The following ANKAR variants were observed in gnomAD, a reference collection of about 807,000 sequenced individuals.
The protein encoded by ANKAR is ankyrin and armadillo repeat-containing protein.
Under a neutral mutation model 146.2 loss-of-function variants are expected in ANKAR, and 136 were observed. The observed-to-expected ratio is 0.93, with a 90% CI of 0.81 to 1.07. ANKAR has a LOEUF of 1.07. Among genes scored for constraint, ANKAR ranks in the 50% least tolerant of loss-of-function variants. ANKAR has a pLI of 0.00. For missense variants in ANKAR, 1,567 were observed against 1,679.9 expected (o/e 0.93, Z 1.18); for synonymous variants, 500 against 575.8 (o/e 0.87, Z 1.88).
downstream of ANKAR, among the ~76,000 whole-genome samples, chr2:189,748,130 A>G (rs1450027943): frequency 1.1e-4 from 17 of 152,162 alleles, no homozygotes; most frequent in Non-Finnish European, 1.0e-4. Context: ...ATTTTCCCCG[A>G]TATGTACTTA....
intron 16 of ANKAR, 148 bp downstream of exon 16, chr2:189,730,749 A>T (rs1204035811): frequency 2.5e-6 from 1 of 402,082 alleles, no homozygotes; most frequent in Non-Finnish European, 4.2e-6. Context: ...TAAGCCAAAA[A>T]TAAAAATAAA....
In ANKAR at chr2:189,689,531, G is replaced by T; in HGVS notation, c.606G>T (p.Leu202Phe). 6.4e-7 allele frequency: 1 copy of T among 1,564,462 alleles called. No individual in the cohort carries two copies. The highest frequency in any genetic ancestry group is 1.2e-5 in the South Asian group (1 of 82,758). ...TTTTCCTTTTTTATCATGAAGGTTT[G>T]ACTGATATTACAAAGGATCCAGACT... ...DIFSEFSSAG[L>F]TDITKDPDFN... The change falls in exon 3 of 23, where the codon TTG (leucine) becomes TTT (phenylalanine). Residue 202 changes from leucine (L) to phenylalanine (F), a missense_variant. Coordinates refer to ENST00000684021, the MANE Select transcript of ANKAR (RefSeq NM_001378068.1).
intron 18 of ANKAR, among the ~76,000 whole-genome samples, chr2:189,757,632 T>C (rs1396135470): frequency 6.6e-6 from 1 of 152,208 alleles, no homozygotes; most frequent in Middle Eastern, 3.2e-3. Context: ...TAGTAAATGG[T>C]TGAACCAGAA....
chr2:189,757,973 A>G (rs974466224), intron 18 of ANKAR, among the ~76,000 whole-genome samples: 1 of 152,172 alleles, frequency 6.6e-6, no homozygotes, highest in African/African-American at 2.4e-5. Flanking sequence ...CTCATGTAGA[A>G]TGGTAATTCC....
rs61742162 is a variant in ANKAR at position 189,738,618 on chromosome 2, A to T, written c.3636A>T (p.Ala1212=). 4.3e-6 allele frequency: 7 copies of T among 1,612,534 alleles called. No homozygotes were observed. The highest frequency in any genetic ancestry group is 5.9e-6 in the Non-Finnish European group (7 of 1,179,186). The change falls in exon 19 of 23, where the codon GCA becomes GCT. Residue 1212 remains alanine, a synonymous_variant. Transcript: ENST00000684021. ...ATATGGACCATATTACTTTGTCTGC[A>T]AGAGGTGTTACTATTTTAGTTGATA... is the stretch of plus-strand genomic sequence containing the variant. The part of the protein sequence containing the change: ...IRDMDHITLS[A]RGVTILVDSL...
chr2:189,750,681 ATTAT>A (rs765538627), downstream of ANKAR: 3 of 1,538,870 alleles, frequency 1.9e-6, no homozygotes, highest in Admixed American at 2.2e-5. Context: ...GACAAATCGT[ATTAT>A]TTATTTGCTT....
intron 2 of ANKAR, among the ~76,000 whole-genome samples, chr2:189,680,962 G>A (rs781582723): frequency 6.6e-6 from 1 of 152,118 alleles, no homozygotes; most frequent in Non-Finnish European, 1.5e-5. Flanking sequence ...GGAGGTTAAG[G>A]ATCAGCAAGA....
Position 189,742,905 on chromosome 2 carries a change from GACACACACACACACACACACACACACAC to G in ANKAR, c.3811-321_3811-294del, listed in dbSNP as rs397987025. Among the ~76,000 whole-genome samples the G allele has an allele frequency of 6.5e-3, 218 of 33,506 alleles. 3 individuals carry two copies. The highest frequency in any genetic ancestry group is 0.017 in the East Asian group (18 of 1,030). 22.0% of individuals were successfully genotyped at this position (33,506 alleles called of 152,430 possible). A position where few individuals can be genotyped will look rare whatever the true frequency, so the allele number is the denominator to read the frequency against. ...ACACACACACACACTAGAATTACCT[GACACACACACACACACACACACACACAC>G]ACACACACACACACACACACACACA... On this transcript the variant is annotated intron_variant, in intron 20 of 22. Coordinates refer to ENST00000684021, the MANE Select transcript of ANKAR (RefSeq NM_001378068.1).
At chr2:189,746,249 G>A in intron 22 of ANKAR, 131 bp from the exon 23 acceptor site, 2 of 1,115,044 alleles carry the variant, frequency 1.8e-6, no homozygotes, top group Non-Finnish European at 2.5e-6. Flanking sequence ...ACATCTAAAT[G>A]TCTGGAAGTA....
intron 10 of ANKAR, among the ~76,000 whole-genome samples, chr2:189,717,652 G>A (rs1439060598): frequency 6.6e-6 from 1 of 152,132 alleles, no homozygotes; most frequent in East Asian, 1.9e-4. Context: ...GTTTACTGTG[G>A]CACTATTCAC....
chr2:189,676,647 A>G lies in ANKAR; in HGVS notation c.157A>G (p.Ser53Gly). 1 of 1,614,226 alleles carries G rather than the reference A, an allele frequency of 6.2e-7. No individual in the cohort carries two copies. The highest frequency in any genetic ancestry group is 8.5e-7 in the Non-Finnish European group (1 of 1,180,034). ...AGAGTTACTAACTACTGCACTAGTT[A>G]GCTGGTTGTCTGCCAAAGAGGATGT... ...IQELLTTALV[S>G]WLSAKEDVRS... Residue 53 changes from serine (S) to glycine (G), a missense_variant, in exon 2 of 23, where the codon AGC becomes GGC. Physicochemically the swap from Ser to Gly is moderately conservative, Grantham distance 56. Transcript: ENST00000684021.
At position 189,715,259 on chromosome 2, in the gene ANKAR, C is replaced by T. The variant is rs550242632; in HGVS notation, c.2224+4106C>T. On this transcript the variant is annotated intron_variant, in intron 10 of 22. Transcript: ENST00000684021. ...CAAGAAAAAATGATAAAGGGGATAT[C>T]ACTACCAACCCCACAGAAATACATA... 2.0e-4 allele frequency among the ~76,000 whole-genome samples: 30 copies of T among 152,204 alleles called. No homozygotes were observed. In the South Asian group the frequency reaches 6.2e-3, roughly 32 times the overall value.
chr2:189,746,000 AC>A (rs1321855323), intron 22 of ANKAR, among the ~76,000 whole-genome samples: 2 of 152,208 alleles, frequency 1.3e-5, no homozygotes, highest in Non-Finnish European at 2.9e-5. Context: ...TGAAGTTTTC[AC>A]AGGTTTGTAG....
At chr2:189,712,014 A>T (rs1002254013) in intron 10 of ANKAR, among the ~76,000 whole-genome samples, 2 of 152,098 alleles carry the variant, frequency 1.3e-5, no homozygotes, top group Non-Finnish European at 2.9e-5. Context: ...TCTGAGATTG[A>T]CCTGCGAGGC....
At chr2:189,755,700 A>C in intron 18 of ANKAR, 1 of 867,558 alleles carries the variant, frequency 1.2e-6, no homozygotes, top group Non-Finnish European at 1.7e-6. Context: ...GTGCCTTCTA[A>C]CATAGCACAC....
chr2:189,693,595 T>C (rs1241260177), intron 5 of ANKAR, among the ~76,000 whole-genome samples: 1 of 152,284 alleles, frequency 6.6e-6, no homozygotes, highest in East Asian at 1.9e-4. Context: ...GAAGTTTTGC[T>C]TGTTGGTTCG....
chr2:189,686,567 A>T (rs2035626628), intron 2 of ANKAR, among the ~76,000 whole-genome samples: 2 of 152,302 alleles, frequency 1.3e-5, no homozygotes, highest in East Asian at 3.9e-4. Context: ...ATTGGCAAAA[A>T]AAAAGAAATT....
rs2037197225 is a variant in ANKAR, at chr2:189,696,314, A to G, written c.1653A>G (p.Gln551=). Residue 551 remains glutamine (Q), a synonymous_variant, in exon 7 of 23, where the codon CAA becomes CAG. Transcript: ENST00000684021. Reference sequence around the variant, plus strand: ...ACAACAGAGTTTCTATTATATGTCAACTGTGCAATGCTAACTTCAAGGTCA... The same window carrying G: ...ACAACAGAGTTTCTATTATATGTCAGCTGTGCAATGCTAACTTCAAGGTCA... ...ALHNRVSIIC[Q]LCNANFKVNQ... is the part of the protein sequence containing the mutation. 1 of 1,614,038 alleles carries G rather than the reference A, an allele frequency of 6.2e-7. No homozygotes were observed. Among genetic ancestry groups the G allele is most frequent in the Non-Finnish European group, 8.5e-7 (1 of 1,180,002 alleles).
rs1436424844 is a variant in ANKAR at position 189,693,073 on chromosome 2, GA to G, written c.1208del (p.Asn403IlefsTer2). 6.9e-7 allele frequency: 1 copy of G among 1,452,890 alleles called. No homozygotes were observed. Among genetic ancestry groups the G allele is most frequent in the Non-Finnish European group, 9.4e-7 (1 of 1,063,086 alleles). The allele number at this position is 1,452,890 out of a possible 1,614,324, so 90.0% of individuals were successfully genotyped here. A position where few individuals can be genotyped will look rare whatever the true frequency, so the allele number is the denominator to read the frequency against. ...CTTTAGTAACATAACTCATATTTTA[GA>G]AAAATTTAGAAAAAATACGAGATTG... is the stretch of plus-strand genomic sequence containing the variant. ...SIENALEDFQ[K>X]NLEKIRDCAA... On this transcript the variant is annotated frameshift_variant and splice_region_variant, in exon 5 of 23. Coordinates refer to ENST00000684021, the MANE Select transcript of ANKAR (RefSeq NM_001378068.1). LOFTEE classifies it high-confidence loss of function.
Sources: allele counts gnomAD v4.1 joint callset (sites outside exome capture counted in the v4.1 genomes callset), GRCh38; gene constraint gnomAD v4.1.1; transcripts MANE v1.5; gene names NCBI Gene and HGNC (gene_info 2026-07-23, HGNC 2026-07-21).